PTCD3: variants seen among roughly 807,000 people sequenced by gnomAD.
The protein encoded by PTCD3 is small ribosomal subunit protein mS39.
In PTCD3, 89 loss-of-function variants were observed where a neutral mutation model predicts 101.9. The observed-to-expected ratio is 0.87, with a 90% CI of 0.74 to 1.04. The LOEUF (loss-of-function observed/expected upper bound fraction) is 1.04, where lower values mean the gene tolerates loss of function less well. Ranked by LOEUF, PTCD3 falls within the 50% of genes least tolerant of loss-of-function variation. The pLI is 0.00. For missense variants in PTCD3, 870 were observed against 828.2 expected, an observed-to-expected ratio of 1.05 and a Z score of -0.62; for synonymous variants, 296 against 278.5, an observed-to-expected ratio of 1.06 and a Z score of -0.63.
intron 7 of PTCD3, among the ~76,000 whole-genome samples, chr2:86,120,903 A>G (rs1674267545): frequency 6.6e-6 from 1 of 152,194 alleles, no homozygotes; most frequent in South Asian, 2.1e-4. Context: ...AAACAAAAAG[A>G]TACATTTACT....
intron 21 of PTCD3, among the ~76,000 whole-genome samples, chr2:86,135,387 G>T (rs1674567420): frequency 6.6e-6 from 1 of 152,140 alleles, no homozygotes; most frequent in Admixed American, 6.6e-5. Flanking sequence ...TAAAATGTGG[G>T]CTGTGTACTT....
intron 13 of PTCD3, chr2:86,127,730 T>C (rs1398153675): frequency 8.8e-6 from 5 of 567,910 alleles, no homozygotes; most frequent in East Asian, 5.9e-5. Flanking sequence ...AATAAGTATT[T>C]GGACTTTCAA....
Position 86,140,103 on chromosome 2 carries a change from T to C in PTCD3, c.*2544T>C, listed in dbSNP as rs759617995. Reference sequence around the variant, plus strand: ...TGCCACCAACTCTGCAAAGTATTCATTGATTTTGAGACCTTAGTCATGTTG... The same window carrying C: ...TGCCACCAACTCTGCAAAGTATTCACTGATTTTGAGACCTTAGTCATGTTG... On this transcript the variant is annotated 3_prime_UTR_variant, in exon 24 of 24. Transcript: ENST00000254630. 2.0e-5 allele frequency: 3 copies of C among 152,186 alleles called. No individual in the cohort carries two copies. Among genetic ancestry groups the C allele is most frequent in the Non-Finnish European group, 4.4e-5 (3 of 68,044 alleles). The allele number at this position is 152,186 out of a possible 1,614,324, so 9.4% of individuals were successfully genotyped here.
At position 86,137,582 on chromosome 2, in the gene PTCD3, A is replaced by G. The variant is rs753913084; in HGVS notation, c.*23A>G. 86 of 1,494,974 alleles carry G rather than the reference A, an allele frequency of 5.8e-5. No homozygotes were observed. In the Middle Eastern group the frequency reaches 1.6e-3, roughly 27 times the overall value. The allele number at this position is 1,494,974 out of a possible 1,614,324, so 92.6% of individuals were successfully genotyped here. On this transcript the variant is annotated 3_prime_UTR_variant, in exon 24 of 24. Transcript: ENST00000254630. The stretch of plus-strand genomic sequence containing the variant: ...TGAAAGTGGAGATTCAGGAGCAGCA[A>G]TGGGTCTCACCATAGCTGCTGGAAT...
At chr2:86,124,968 G>A (rs1335312456) in intron 9 of PTCD3, 27 bp from the exon 10 acceptor site, 3 of 1,610,518 alleles carry the variant, frequency 1.9e-6, no homozygotes, top group Non-Finnish European at 2.5e-6. Context: ...TTATTGCCTG[G>A]GTTCACATTT....
chr2:86,109,032 A>G (rs1168985850), intron 3 of PTCD3: 1 of 152,982 alleles, frequency 6.5e-6, no homozygotes, highest in Non-Finnish European at 1.5e-5. Context: ...AAACTTCACA[A>G]AAGTGCTTGT....
In PTCD3 at chr2:86,125,082, G is replaced by C; in HGVS notation, c.804G>C (p.Lys268Asn). 6.2e-7 allele frequency: 1 copy of C among 1,613,220 alleles called. No homozygotes were observed. Among genetic ancestry groups the C allele is most frequent in the South Asian group, 1.1e-5 (1 of 90,834 alleles). ...SYCTMIRGMV[K>N]HRAYEQALNL... Reference sequence around the variant, plus strand: ...GCACAATGATCCGAGGAATGGTGAAGGTACATTTGTTTTATTTATTTTTGT... The same window carrying C: ...GCACAATGATCCGAGGAATGGTGAACGTACATTTGTTTTATTTATTTTTGT... Residue 268 changes from lysine (K) to asparagine (N), a missense_variant and splice_region_variant, in exon 10 of 24, where the codon AAG becomes AAC. Physicochemically the swap from Lys to Asn is moderately conservative, Grantham distance 94 (BLOSUM62 0). Transcript: ENST00000254630.
intron 6 of PTCD3, among the ~76,000 whole-genome samples, chr2:86,117,552 A>G (rs867493802): frequency 2.0e-5 from 3 of 150,812 alleles, no homozygotes; most frequent in African/African-American, 7.3e-5. Context: ...GGCTCAAGTG[A>G]TCCTCTTGCC....
In PTCD3 at chr2:86,119,024, T is replaced by G; in HGVS notation, c.518T>G (p.Phe173Cys). 6.2e-7 allele frequency: 1 copy of G among 1,613,750 alleles called. No homozygotes were observed. The highest frequency in any genetic ancestry group is 8.5e-7 in the Non-Finnish European group (1 of 1,179,942). The change falls in exon 7 of 24, where the codon TTT (phenylalanine) becomes TGT (cysteine). Residue 173 changes from phenylalanine to cysteine, a missense_variant. Physicochemically the swap from Phe to Cys is radical, Grantham distance 205. Transcript: ENST00000254630. ...LRKVKASVDM[F>C]DQLLQAGTTV... ...AAAGTCAAAGCCTCTGTGGACATGT[T>G]TGATCAGCTTTTGCAAGCAGGTGAC...
At position 86,118,919 on chromosome 2, in the gene PTCD3, AG is replaced by A; in HGVS notation, c.415-1del. The stretch of plus-strand genomic sequence containing the variant: ...GTAACTTTAGTCATCTTGTTTTCCT[AG>A]TGTTTAATGCCTGAGTACTTTGAAC... On this transcript the variant is annotated splice_acceptor_variant, in intron 6 of 23. Coordinates refer to ENST00000254630, the MANE Select transcript of PTCD3 (RefSeq NM_017952.6). LOFTEE classifies it high-confidence loss of function. 1 of 1,610,332 alleles carries A rather than the reference AG, an allele frequency of 6.2e-7. No homozygotes were observed. The highest frequency in any genetic ancestry group is 1.1e-5 in the South Asian group (1 of 90,654).
At chr2:86,106,982 C>A in intron 1 of PTCD3, 2 of 367,514 alleles carry the variant, frequency 5.4e-6, no homozygotes, top group Admixed American at 3.6e-5. Flanking sequence ...TTAGTGTTTG[C>A]CATTCACTTA....
rs769376151 is a variant in PTCD3, at chr2:86,132,345, G to A, written c.1294G>A (p.Ala432Thr). 6.2e-7 allele frequency: 1 copy of A among 1,606,166 alleles called. No individual in the cohort carries two copies. Among genetic ancestry groups the A allele is most frequent in the Non-Finnish European group, 8.5e-7 (1 of 1,173,400 alleles). ...CTCATCTCTCAGAGATCTAGAACTT[G>A]CCTACCAAGTACATGGCCTTTTAAA... is the stretch of plus-strand genomic sequence containing the variant. ...ICSSLRDLEL[A>T]YQVHGLLKTG... is the part of the protein sequence containing the mutation. Residue 432 changes from alanine to threonine, a missense_variant, in exon 17 of 24, where the codon GCC (alanine) becomes ACC (threonine). By Grantham distance (58) the Ala-to-Thr change is moderately conservative (BLOSUM62 0). Transcript: ENST00000254630.
intron 3 of PTCD3, 140 bp downstream of exon 3, chr2:86,108,676 A>G: frequency 2.6e-6 from 2 of 756,050 alleles, no homozygotes; most frequent in South Asian, 2.7e-5. Context: ...GGGAGAAGCT[A>G]GGAGTTTAAA....
chr2:86,134,342 C>T lies in PTCD3; in HGVS notation c.1594C>T (p.Leu532=), dbSNP rs751347763. The change falls in exon 20 of 24, where the codon CTG becomes TTG. Residue 532 remains leucine, a synonymous_variant. Transcript: ENST00000254630. ...CCGCAGTGACCTGAGAGAAGAGATC[C>T]TGATGCTCATGGCAAGGGACAAGCA... ...TFRSDLREEI[L]MLMARDKHPP... is the part of the protein sequence containing the mutation. 7 of 1,613,588 alleles carry T rather than the reference C, an allele frequency of 4.3e-6. No homozygotes were observed. Among genetic ancestry groups the T allele is most frequent in the Non-Finnish European group, 5.1e-6 (6 of 1,179,596 alleles).
In PTCD3 at chr2:86,124,985, T is replaced by A. The variant is rs1339060176; in HGVS notation, c.717-10T>A. 6.2e-7 allele frequency: 1 copy of A among 1,613,612 alleles called. No individual in the cohort carries two copies. The highest frequency in any genetic ancestry group is 1.7e-5 in the Admixed American group (1 of 59,986). ...ATTGCCTGGGTTCACATTTACTCTC[T>A]TGTGTCTAGAGCAAAAAACAACGCT... On this transcript the variant is annotated splice_polypyrimidine_tract_variant and intron_variant, in intron 9 of 23. Transcript: ENST00000254630.
chr2:86,122,045 A>G (rs955636355), intron 8 of PTCD3, among the ~76,000 whole-genome samples: 2 of 152,214 alleles, frequency 1.3e-5, no homozygotes, highest in Non-Finnish European at 2.9e-5. Context: ...CGCGAATTTT[A>G]CTTCTAGAAC....
At chr2:86,119,873 G>A (rs995175020) in intron 7 of PTCD3, among the ~76,000 whole-genome samples, 3 of 152,108 alleles carry the variant, frequency 2.0e-5, no homozygotes, top group Admixed American at 1.3e-4. Flanking sequence ...GTAAACTTGC[G>A]GAGCTACACA....
chr2:86,125,205 T>G, intron 10 of PTCD3, 123 bp downstream of exon 10: 1 of 1,443,424 alleles, frequency 6.9e-7, no homozygotes, highest in Non-Finnish European at 9.2e-7. Flanking sequence ...TTGTAGGATG[T>G]TAGTAGCTCC....
intron 20 of PTCD3, 76 bp from the exon 21 acceptor site, chr2:86,134,763 G>A: frequency 6.6e-7 from 1 of 1,504,794 alleles, no homozygotes; most frequent in Non-Finnish European, 9.2e-7. Flanking sequence ...AGATTTTAAG[G>A]ATCCTGTGTT....
Sources: gnomAD v4.1 joint callset for allele counts (sites outside exome capture counted in the v4.1 genomes callset) on GRCh38, gnomAD v4.1.1 for gene constraint, MANE v1.5 for transcripts, NCBI Gene and HGNC (gene_info 2026-07-23, HGNC 2026-07-21) for gene names.